VWA8: variants seen among roughly 807,000 people sequenced by gnomAD.
VWA8 encodes the protein von Willebrand factor A domain containing 8, also known as von Willebrand factor A domain-containing protein 8.
A neutral mutation model predicts 241.5 loss-of-function variants in VWA8; 221 were observed. The ratio of observed to expected loss-of-function variants is 0.91; its 90% CI spans 0.82 to 1.02. VWA8 has a LOEUF of 1.02. Among genes scored for constraint, VWA8 ranks in the 50% least tolerant of loss-of-function variants. The probability of loss-of-function intolerance (pLI) is 0.00; values close to 1 mark genes in which losing one functional copy is unlikely to be tolerated. For synonymous variants in VWA8, 852 were observed against 827.1 expected (o/e 1.03, Z -0.52); for missense variants, 2,322 against 2,328.7 (o/e 1.00, Z 0.06).
intron 2 of VWA8, among the ~76,000 whole-genome samples, chr13:41,923,257 G>A (rs1876647613): frequency 6.6e-6 from 1 of 152,144 alleles, no homozygotes; most frequent in Non-Finnish European, 1.5e-5. Flanking sequence ...GACACAGGGT[G>A]GGGAACATCA....
intron 4 of VWA8, among the ~76,000 whole-genome samples, chr13:41,902,772 C>T (rs1273517276): frequency 6.6e-6 from 1 of 152,080 alleles, no homozygotes; most frequent in Non-Finnish European, 1.5e-5. Context: ...ATCAATCATC[C>T]TTAGTTTTAG....
chr13:41,798,103 T>G (rs1869785478), intron 17 of VWA8, among the ~76,000 whole-genome samples: 1 of 152,190 alleles, frequency 6.6e-6, no homozygotes, highest in African/African-American at 2.4e-5. Flanking sequence ...TATTCAATAC[T>G]TCTATTCTCT....
In VWA8 at chr13:41,885,976, T is replaced by C; in HGVS notation, c.919A>G (p.Thr307Ala). The C allele has an allele frequency of 6.2e-7, 1 of 1,607,426 alleles. No homozygotes were observed. Among genetic ancestry groups the C allele is most frequent in the South Asian group, 1.1e-5 (1 of 88,996 alleles). Residue 307 changes from threonine (T) to alanine (A), a missense_variant, in exon 8 of 45, where the codon ACT becomes GCT. Physicochemically the swap from Thr to Ala is moderately conservative, Grantham distance 58 (BLOSUM62 0). Transcript: ENST00000379310. The part of the protein sequence containing the change: ...ATTLCSQESS[T>A]LGLPDFPLDS... ...AAAGGAAAGTCTGGAAGTCCAAGAG[T>C]AGAAGATTCTTGGGAACACAGAGTT... is the stretch of plus-strand genomic sequence containing the variant.
chr13:41,891,152 A>G (rs1028123347), intron 5 of VWA8, among the ~76,000 whole-genome samples: 1 of 152,042 alleles, frequency 6.6e-6, no homozygotes, highest in Admixed American at 6.6e-5. Flanking sequence ...GAAAGAGAAG[A>G]AGAAAAAATA....
chr13:41,924,584 A>C (rs1030807424), intron 2 of VWA8, among the ~76,000 whole-genome samples: 6 of 152,130 alleles, frequency 3.9e-5, no homozygotes, highest in Non-Finnish European at 1.5e-5. Flanking sequence ...GAGAGGAGAC[A>C]AAGACAGGGA....
At chr13:41,750,304 G>T (rs941176378) in intron 21 of VWA8, among the ~76,000 whole-genome samples, 1 of 151,844 alleles carries the variant, frequency 6.6e-6, no homozygotes, top group Admixed American at 6.6e-5. Context: ...ACAGTGGTGC[G>T]TGCCTGTAGT....
chr13:41,830,660 A>G lies in VWA8; in HGVS notation c.1587-18T>C. On this transcript the variant is annotated intron_variant, in intron 13 of 44. Coordinates refer to ENST00000379310, the MANE Select transcript of VWA8 (RefSeq NM_015058.2). ...GGATTAACCTAACAAGATAAGAAAA[A>G]AGCCCGAAAATAAATTAATGTGTTT... 1 of 1,604,516 alleles carries G rather than the reference A, an allele frequency of 6.2e-7. No individual in the cohort carries two copies. The highest frequency in any genetic ancestry group is 8.5e-7 in the Non-Finnish European group (1 of 1,173,520).
intron 7 of VWA8, among the ~76,000 whole-genome samples, chr13:41,886,563 C>T (rs1392541000): frequency 1.3e-5 from 2 of 152,168 alleles, no homozygotes; most frequent in Non-Finnish European, 2.9e-5. Flanking sequence ...CTTACTATAC[C>T]ATGTTAACCA....
At chr13:41,788,149 A>G (rs766108400) in intron 17 of VWA8, among the ~76,000 whole-genome samples, 2 of 152,204 alleles carry the variant, frequency 1.3e-5, no homozygotes, top group Admixed American at 6.5e-5. Context: ...ATAGTTTCCC[A>G]CCTACACAAA....
chr13:41,843,651 G>C (rs994476159), intron 12 of VWA8, among the ~76,000 whole-genome samples: 1 of 151,928 alleles, frequency 6.6e-6, no homozygotes, highest in African/African-American at 2.4e-5. Flanking sequence ...AAATGACAAA[G>C]GTAACATTAC....
intron 20 of VWA8, among the ~76,000 whole-genome samples, chr13:41,770,297 C>T (rs1415753515): frequency 1.3e-5 from 2 of 151,938 alleles, no homozygotes; most frequent in Non-Finnish European, 2.9e-5. Context: ...AAAAATTAGC[C>T]AGGCGCGGTG....
intron 42 of VWA8, among the ~76,000 whole-genome samples, chr13:41,580,174 A>G (rs540357718): frequency 6.6e-6 from 1 of 152,094 alleles, no homozygotes; most frequent in Non-Finnish European, 1.5e-5. Flanking sequence ...TACTACAGAG[A>G]AATAACTACT....
At chr13:41,793,842 G>A (rs984661246) in intron 17 of VWA8, among the ~76,000 whole-genome samples, 1 of 152,062 alleles carries the variant, frequency 6.6e-6, no homozygotes, top group Admixed American at 6.6e-5. Context: ...AAATTGAAAA[G>A]AATATTTGCT....
At chr13:41,741,914 C>T (rs2137879522) in intron 21 of VWA8, among the ~76,000 whole-genome samples, 1 of 152,188 alleles carries the variant, frequency 6.6e-6, no homozygotes, top group African/African-American at 2.4e-5. Flanking sequence ...GAAGAGAAGG[C>T]AATTAATCCT....
chr13:41,611,714 C>T lies in VWA8; in HGVS notation c.4739G>A (p.Gly1580Asp), dbSNP rs2044590180. Residue 1580 changes from glycine (G) to aspartate (D), a missense_variant, in exon 39 of 45, where the codon GGC becomes GAC. Physicochemically the swap from Gly to Asp is moderately conservative, Grantham distance 94. Transcript: ENST00000379310. ...GTAAGGGCCTCCTTTGCCACCCAGG[C>T]CTGCCGTGTCTCTTCCCCCTGGAAG... ...AGGTGGRDTA[G>D]LGGKGGPYRL... 2 of 1,614,038 alleles carry T rather than the reference C, an allele frequency of 1.2e-6. No homozygotes were observed. Among genetic ancestry groups the T allele is most frequent in the East Asian group, 4.5e-5 (2 of 44,866 alleles).
At chr13:41,894,022 G>A (rs1874981782) in intron 4 of VWA8, among the ~76,000 whole-genome samples, 1 of 152,152 alleles carries the variant, frequency 6.6e-6, no homozygotes, top group Non-Finnish European at 1.5e-5. Context: ...ATTATTTTAA[G>A]AAATCTAAAA....
chr13:41,884,810 CAGG>C lies in VWA8; in HGVS notation c.975+1107_975+1109del, dbSNP rs370533015. Among the ~76,000 whole-genome samples the C allele has an allele frequency of 2.0e-3, 302 of 152,182 alleles. 1 individual carries two copies. The highest frequency in any genetic ancestry group is 3.2e-3 in the Non-Finnish European group (216 of 68,012). On this transcript the variant is annotated intron_variant, in intron 8 of 44. Coordinates refer to ENST00000379310, the MANE Select transcript of VWA8 (RefSeq NM_015058.2). ...TGATAAAAGTATAAGATTTGATAAACAGGAGGAGAAATTCTGTTCTGGATGTAT... is the reference window on the plus strand; with the variant it reads ...TGATAAAAGTATAAGATTTGATAAACAGGAGAAATTCTGTTCTGGATGTAT...
In VWA8 at chr13:41,572,404, T is replaced by C. The variant is rs186146427; in HGVS notation, c.5371-1698A>G. ...AGAGATCAGATTGTTACTGTGTTGG[T>C]GTAGAAAGAAGTAGACATGGGAGAC... is the stretch of plus-strand genomic sequence containing the variant. On this transcript the variant is annotated intron_variant, in intron 43 of 44. Transcript: ENST00000379310. Among the ~76,000 whole-genome samples the C allele has an allele frequency of 6.0e-3, 921 of 152,282 alleles. 11 individuals carry two copies. The highest frequency in any genetic ancestry group is 0.021 in the African/African-American group (868 of 41,556).
At position 41,868,416 on chromosome 13, in the gene VWA8, T is replaced by G; in HGVS notation, c.1142A>C (p.Lys381Thr). 1 of 1,614,140 alleles carries G rather than the reference T, an allele frequency of 6.2e-7. No homozygotes were observed. The highest frequency in any genetic ancestry group is 1.1e-5 in the South Asian group (1 of 91,078). The change falls in exon 10 of 45, where the codon AAG becomes ACG. Residue 381 changes from lysine (K) to threonine (T), a missense_variant. Transcript: ENST00000379310. ...LLPKEIVKVE[K>T]MMENHVSQAS... The stretch of plus-strand genomic sequence containing the variant: ...TTGGGACACATGGTTTTCCATCATC[T>G]TCTCTACTTTTACAATCTCTTTAGG...
Sources: gnomAD v4.1 joint callset for allele counts (sites outside exome capture counted in the v4.1 genomes callset) on GRCh38, gnomAD v4.1.1 for gene constraint, MANE v1.5 for transcripts, NCBI Gene and HGNC (gene_info 2026-07-23, HGNC 2026-07-21) for gene names.